CCBE1: variants seen among roughly 807,000 people sequenced by gnomAD.
CCBE1 encodes collagen and calcium binding EGF domains 1.
In CCBE1, 37 loss-of-function variants were observed where a neutral mutation model predicts 50.0. The ratio of observed to expected loss-of-function variants is 0.74; its 90% confidence interval spans 0.57 to 0.97. The LOEUF (loss-of-function observed/expected upper bound fraction) is 0.97, where lower values mean the gene tolerates loss of function less well. CCBE1 is among the 50% of genes least tolerant of loss of function. The probability of loss-of-function intolerance (pLI) is 0.00; values close to 1 mark genes in which losing one functional copy is unlikely to be tolerated. For synonymous variants in CCBE1, 234 were observed against 203.7 expected (o/e 1.15, Z -1.27); for missense variants, 538 against 523.8 (o/e 1.03, Z -0.26).
chr18:59,567,127 T>TA (rs1053281332), intron 2 of CCBE1, among the ~76,000 whole-genome samples: 5 of 151,356 alleles, frequency 3.3e-5, no homozygotes, highest in Non-Finnish European at 7.4e-5. Context: ...TTTTCTTTTC[T>TA]TTTTTTTTGA....
intron 2 of CCBE1, among the ~76,000 whole-genome samples, chr18:59,543,866 C>T (rs1299971880): frequency 1.6e-5 from 2 of 121,772 alleles, no homozygotes; most frequent in Non-Finnish European, 3.4e-5. Context: ...AAACAGAAAA[C>T]ACTAATGCGA....
At chr18:59,659,295 G>GTT (rs56267729) in intron 2 of CCBE1, among the ~76,000 whole-genome samples, 2,059 of 148,004 alleles carry the variant, frequency 0.014, 36 homozygotes, top group African/African-American at 0.045. Context: ...GAATTTACAT[G>GTT]TTTTTTTTTT....
rs1909983844 is a variant in CCBE1 at position 59,432,673 on chromosome 18, T to C, written c.*3235A>G. 1.3e-5 allele frequency: 2 copies of C among 152,228 alleles called. No individual in the cohort carries two copies. The highest frequency in any genetic ancestry group is 1.3e-4 in the Admixed American group (2 of 15,294). 9.4% of individuals were successfully genotyped at this position (152,228 alleles called of 1,614,324 possible). A position where few individuals can be genotyped will look rare whatever the true frequency, so the allele number is the denominator to read the frequency against. ...TTCTAAATTAACTTGGTCCAGCAGA[T>C]TGACATTATAAAATACAGGTTACCA... On this transcript the variant is annotated 3_prime_UTR_variant, in exon 11 of 11. Transcript: ENST00000439986.
At chr18:59,683,838 G>A (rs2054623034) in intron 2 of CCBE1, among the ~76,000 whole-genome samples, 1 of 152,000 alleles carries the variant, frequency 6.6e-6, no homozygotes, top group South Asian at 2.1e-4. Flanking sequence ...TGTCCCTGCT[G>A]GAGCATCCCA....
chr18:59,638,171 T>A (rs1415349389), intron 2 of CCBE1, among the ~76,000 whole-genome samples: 1 of 152,204 alleles, frequency 6.6e-6, no homozygotes, highest in African/African-American at 2.4e-5. Flanking sequence ...TCATGTTATC[T>A]CAAAACATGA....
intron 2 of CCBE1, among the ~76,000 whole-genome samples, chr18:59,677,708 A>G (rs2054524830): frequency 6.6e-6 from 1 of 152,114 alleles, no homozygotes. Flanking sequence ...TAAAAAAAAA[A>G]AATTCCCCAG....
intron 2 of CCBE1, among the ~76,000 whole-genome samples, chr18:59,678,129 C>T (rs923417459): frequency 2.6e-5 from 4 of 152,098 alleles, no homozygotes; most frequent in Non-Finnish European, 5.9e-5. Flanking sequence ...TAAGTGTGTG[C>T]AACAGTTGAT....
intron 5 of CCBE1, among the ~76,000 whole-genome samples, chr18:59,460,759 C>T (rs900067803): frequency 2.0e-5 from 3 of 151,924 alleles, no homozygotes; most frequent in African/African-American, 7.3e-5. Context: ...TGGTGAAACC[C>T]CATCTCTACC....
chr18:59,696,055 G>A (rs985986391), intron 2 of CCBE1, among the ~76,000 whole-genome samples: 5 of 152,092 alleles, frequency 3.3e-5, no homozygotes, highest in African/African-American at 4.8e-5. Context: ...ACAAGCACCC[G>A]GGTCACTCAT....
intron 2 of CCBE1, among the ~76,000 whole-genome samples, chr18:59,543,464 T>C (rs1915547958): frequency 6.6e-6 from 1 of 152,218 alleles, no homozygotes; most frequent in African/African-American, 2.4e-5. Context: ...TCAGGTAAGC[T>C]GTGCAACTTA....
chr18:59,560,270 C>T lies in CCBE1; in HGVS notation c.213-80032G>A, dbSNP rs1236300526. ...GGGTATGCCCATAGGCTTTTGGTCCCACCTGTGGAAGGGAGCTGAACTCCA... is the reference window on the plus strand; with the variant it reads ...GGGTATGCCCATAGGCTTTTGGTCCTACCTGTGGAAGGGAGCTGAACTCCA... On this transcript the variant is annotated intron_variant, in intron 2 of 10. Coordinates refer to ENST00000439986, the MANE Select transcript of CCBE1 (RefSeq NM_133459.4). Among the ~76,000 whole-genome samples the T allele has an allele frequency of 2.0e-5, 3 of 152,234 alleles. No homozygotes were observed. In the East Asian group the frequency reaches 5.8e-4, roughly 29 times the overall value.
intron 2 of CCBE1, among the ~76,000 whole-genome samples, chr18:59,564,368 T>C (rs1297056947): frequency 6.6e-6 from 1 of 152,208 alleles, no homozygotes; most frequent in Non-Finnish European, 1.5e-5. Flanking sequence ...AGATACTATA[T>C]ATATACACAC....
intron 2 of CCBE1, among the ~76,000 whole-genome samples, chr18:59,544,010 G>C (rs529583678): frequency 6.6e-6 from 1 of 152,102 alleles, no homozygotes; most frequent in Admixed American, 6.5e-5. Flanking sequence ...ATTATGTTTG[G>C]TTTTTGTAGT....
At chr18:59,527,681 G>T (rs567930126) in intron 2 of CCBE1, among the ~76,000 whole-genome samples, 1 of 151,814 alleles carries the variant, frequency 6.6e-6, no homozygotes, top group Admixed American at 6.6e-5. Flanking sequence ...AGGCCTTGTG[G>T]TGACAAATTC....
At chr18:59,447,365 G>A (rs931489167) in intron 7 of CCBE1, among the ~76,000 whole-genome samples, 11 of 152,240 alleles carry the variant, frequency 7.2e-5, no homozygotes, top group African/African-American at 2.6e-4. Context: ...AAATTTCTGG[G>A]GTGATAGAAA....
intron 7 of CCBE1, among the ~76,000 whole-genome samples, chr18:59,443,439 T>G (rs1009319507): frequency 3.3e-5 from 5 of 151,526 alleles, no homozygotes; most frequent in African/African-American, 7.3e-5. Context: ...TTTTAAAAAC[T>G]TGTGATAAAA....
intron 2 of CCBE1, among the ~76,000 whole-genome samples, chr18:59,504,951 A>C (rs1188308459): frequency 2.0e-5 from 3 of 151,920 alleles, no homozygotes; most frequent in Non-Finnish European, 1.5e-5. Context: ...AGGCAAAAAA[A>C]CCCCAAGAGT....
intron 2 of CCBE1, among the ~76,000 whole-genome samples, chr18:59,504,349 T>A (rs1011500351): frequency 6.6e-6 from 1 of 152,040 alleles, no homozygotes; most frequent in Non-Finnish European, 1.5e-5. Flanking sequence ...AGATTTACTA[T>A]TATTGTTAGT....
chr18:59,530,934 T>C (rs547824682), intron 2 of CCBE1, among the ~76,000 whole-genome samples: 8 of 152,246 alleles, frequency 5.3e-5, no homozygotes, highest in Non-Finnish European at 1.2e-4. Flanking sequence ...ATGATGTTTT[T>C]TCAAATATAA....
Sources: gnomAD v4.1 joint callset for allele counts (sites outside exome capture counted in the v4.1 genomes callset) on GRCh38, gnomAD v4.1.1 for gene constraint, MANE v1.5 for transcripts, NCBI Gene and HGNC (gene_info 2026-07-23, HGNC 2026-07-21) for gene names.